SCARA3: variants seen among roughly 807,000 people sequenced by gnomAD.
SCARA3 encodes the protein scavenger receptor class A member 3.
SCARA3 carries 39 observed loss-of-function variants against 47.0 expected under a neutral mutation model. That is an observed-to-expected ratio of 0.83 (90% CI 0.64 to 1.08). The LOEUF (loss-of-function observed/expected upper bound fraction) is 1.08, where lower values mean the gene tolerates loss of function less well. SCARA3 is among the 50% of genes least tolerant of loss of function. The probability of loss-of-function intolerance (pLI) is 0.00; values close to 1 mark genes in which losing one functional copy is unlikely to be tolerated. For synonymous variants in SCARA3, 356 were observed against 334.1 expected (o/e 1.07, Z -0.71); for missense variants, 724 against 792.3 (o/e 0.91, Z 1.04).
chr8:27,642,570 C>G (rs1801405899), intron 1 of SCARA3, among the ~76,000 whole-genome samples: 1 of 152,136 alleles, frequency 6.6e-6, no homozygotes, highest in African/African-American at 2.4e-5. Context: ...TGCCAGTAAT[C>G]CCAGCACTTT....
intron 2 of SCARA3, among the ~76,000 whole-genome samples, chr8:27,650,636 A>T (rs974108551): frequency 6.6e-6 from 1 of 152,204 alleles, no homozygotes; most frequent in Non-Finnish European, 1.5e-5. Flanking sequence ...ATGTGTGGCT[A>T]AAGGTGAGTT....
rs1245381843 is a variant in SCARA3 at position 27,644,251 on chromosome 8, C to CT, written c.8-5443dup. Among the ~76,000 whole-genome samples, 10 of 152,102 alleles carry CT rather than the reference C, an allele frequency of 6.6e-5. 1 individual carries two copies. The highest frequency in any genetic ancestry group is 1.5e-4 in the Non-Finnish European group (10 of 68,010). On this transcript the variant is annotated intron_variant, in intron 1 of 5. Transcript: ENST00000301904. ...GCCTTGGCCTTCCCAGGCTATTTAA[C>CT]TTTTTTTTCTAAGCACCTTGCCTGC...
At chr8:27,639,868 G>A (rs1563399700) in intron 1 of SCARA3, among the ~76,000 whole-genome samples, 2 of 152,230 alleles carry the variant, frequency 1.3e-5, no homozygotes. Context: ...CTGCTGATCA[G>A]CAGAGTTAGC....
intron 3 of SCARA3, among the ~76,000 whole-genome samples, 179 bp from the exon 4 acceptor site, chr8:27,656,603 G>A (rs1801748592): frequency 6.6e-6 from 1 of 152,050 alleles, no homozygotes; most frequent in Non-Finnish European, 1.5e-5. Context: ...TTTCTAAAGG[G>A]CCTTGTGGCA....
downstream of SCARA3, chr8:27,676,510 T>C: frequency 1.3e-6 from 2 of 1,597,286 alleles, no homozygotes; most frequent in African/African-American, 1.3e-5. Context: ...CGAAATCCCC[T>C]GAAGTGAGGA....
In SCARA3 at chr8:27,671,332, G is replaced by A; in HGVS notation, c.1802G>A (p.Gly601Glu). The change falls in exon 6 of 6, where the codon GGA becomes GAA. Residue 601 changes from glycine to glutamate, a missense_variant. Physicochemically the swap from Gly to Glu is moderately conservative, Grantham distance 98 (BLOSUM62 -2). Coordinates refer to ENST00000301904, the MANE Select transcript of SCARA3 (RefSeq NM_016240.3). ...CTCCCGGGGCCTCCAGGTCCACCAG[G>A]AAGCCAGAGCTTCTACTGAGGAGGG... ...PGLPGPPGPP[G>E]SQSFY is the part of the protein sequence containing the mutation. 7.0e-7 allele frequency: 1 copy of A among 1,427,062 alleles called. No individual in the cohort carries two copies. 88.4% of individuals were successfully genotyped at this position (1,427,062 alleles called of 1,614,324 possible). A position where few individuals can be genotyped will look rare whatever the true frequency, so the allele number is the denominator to read the frequency against.
At chr8:27,645,023 G>T (rs914134369) in intron 1 of SCARA3, among the ~76,000 whole-genome samples, 2 of 152,164 alleles carry the variant, frequency 1.3e-5, no homozygotes, top group Admixed American at 1.3e-4. Context: ...CCAACATTTT[G>T]CTCCTACCCA....
chr8:27,705,450 G>T, the SCARA3 span, among the ~76,000 whole-genome samples: 1 of 152,242 alleles, frequency 6.6e-6, no homozygotes, highest in Admixed American at 6.5e-5. Context: ...GACTAGCAAA[G>T]CAAATGCAGC....
Position 27,649,796 on chromosome 8 carries a change from G to A in SCARA3, c.102G>A (p.Gln34=). ...ACATGCCGACCTTCCCATGCACCCA[G>A]AAGGGTAAGGACTCTGGGGCTGCCC... ...DEDMPTFPCT[Q]KGRPGPRCSR... Residue 34 remains glutamine (Q), a synonymous_variant, in exon 2 of 6, where the codon CAG becomes CAA. Transcript: ENST00000301904. 6.2e-7 allele frequency: 1 copy of A among 1,613,680 alleles called. No individual in the cohort carries two copies. The highest frequency in any genetic ancestry group is 8.5e-7 in the Non-Finnish European group (1 of 1,179,760).
intron 4 of SCARA3, among the ~76,000 whole-genome samples, 164 bp downstream of exon 4, chr8:27,657,044 T>C (rs2128920188): frequency 6.6e-6 from 1 of 152,134 alleles, no homozygotes; most frequent in East Asian, 1.9e-4. Context: ...CTCCATCCAT[T>C]AGAGGAGGGC....
At chr8:27,721,918 CA>C in the SCARA3 span, among the ~76,000 whole-genome samples, 1 of 151,864 alleles carries the variant, frequency 6.6e-6, no homozygotes, top group African/African-American at 2.4e-5. Flanking sequence ...GCCGTCGCTA[CA>C]AAAAAGAAAA....
chr8:27,633,979 G>A lies in SCARA3; in HGVS notation c.-222G>A. On this transcript the variant is annotated 5_prime_UTR_variant, in exon 1 of 6. Transcript: ENST00000301904. ...TGGGCGGCGGGGCGCGGCGCTAGGC[G>A]CCCGGCGGGGCTTCCCCAGGCTGCG... The A allele has an allele frequency of 8.6e-6, 2 of 233,182 alleles. No homozygotes were observed. Among genetic ancestry groups the A allele is most frequent in the African/African-American group, 2.3e-5 (1 of 43,292 alleles). The allele number at this position is 233,182 out of a possible 1,614,324, so 14.4% of individuals were successfully genotyped here. A position where few individuals can be genotyped will look rare whatever the true frequency, so the allele number is the denominator to read the frequency against.
the SCARA3 span, among the ~76,000 whole-genome samples, chr8:27,694,898 G>A: frequency 6.6e-6 from 1 of 152,152 alleles, no homozygotes; most frequent in Non-Finnish European, 1.5e-5. Context: ...GAAGGGCAAG[G>A]CATTGTGAAG....
chr8:27,715,957 G>A, the SCARA3 span, among the ~76,000 whole-genome samples: 653 of 152,294 alleles, frequency 4.3e-3, 5 homozygotes, highest in African/African-American at 0.015. This position sits in a 1 kb window ranked among gnomAD's most constrained non-coding sequence, Gnocchi z 4.2. Context: ...GGGCCTGAGA[G>A]CAGCAACACT....
Position 27,671,453 on chromosome 8 carries a change from T to A in SCARA3, c.*102T>A. 1.5e-6 allele frequency: 2 copies of A among 1,322,020 alleles called. No homozygotes were observed. The highest frequency in any genetic ancestry group is 9.6e-7 in the Non-Finnish European group (1 of 1,041,564). The allele number at this position is 1,322,020 out of a possible 1,614,324, so 81.9% of individuals were successfully genotyped here. On this transcript the variant is annotated 3_prime_UTR_variant, in exon 6 of 6. Transcript: ENST00000301904. Reference sequence around the variant, plus strand: ...CCTACAGACAGCTGTGGTCCTCTGATTCCAATGAGGGGGCTCCCCAGGGCT... The same window carrying A: ...CCTACAGACAGCTGTGGTCCTCTGAATCCAATGAGGGGGCTCCCCAGGGCT...
At chr8:27,731,808 A>T in the SCARA3 span, among the ~76,000 whole-genome samples, 1 of 152,146 alleles carries the variant, frequency 6.6e-6, no homozygotes, top group Non-Finnish European at 1.5e-5. Context: ...TGAACTTCAG[A>T]GTTTGGAAGG....
At chr8:27,717,690 C>T in the SCARA3 span, among the ~76,000 whole-genome samples, 322 of 152,116 alleles carry the variant, frequency 2.1e-3, 1 homozygote, top group African/African-American at 7.2e-3. Context: ...GAGGCTGAGG[C>T]AGGATAATCG....
At chr8:27,673,076 C>A, downstream of SCARA3, 1 of 858,818 alleles carries the variant, frequency 1.2e-6, no homozygotes, top group Non-Finnish European at 1.4e-6. Flanking sequence ...TTCAGGGCTG[C>A]ACTCCAGGTG....
downstream of SCARA3, among the ~76,000 whole-genome samples, chr8:27,676,373 C>A (rs573506412): frequency 2.7e-4 from 41 of 152,298 alleles, no homozygotes; most frequent in Admixed American, 7.8e-4. Flanking sequence ...GAGATGGCAG[C>A]AGGAGTGTGC....
Sources: gnomAD v4.1 joint callset for allele counts (sites outside exome capture counted in the v4.1 genomes callset) on GRCh38, gnomAD v4.1.1 for gene constraint, Gnocchi (gnomAD v3.1) non-coding constraint, MANE v1.5 for transcripts, NCBI Gene and HGNC (gene_info 2026-07-23, HGNC 2026-07-21) for gene names.